LPAR3: variants seen among roughly 807,000 people sequenced by gnomAD.
LPAR3 encodes lysophosphatidic acid receptor 3, also known as LPA receptor 3.
In LPAR3, 7 loss-of-function variants were observed where a neutral mutation model predicts 17.8. The ratio of observed to expected loss-of-function variants is 0.39; its 90% CI spans 0.22 to 0.74. The LOEUF (loss-of-function observed/expected upper bound fraction) is 0.74. Among genes scored for constraint, LPAR3 ranks in the 30% least tolerant of loss-of-function variants. The pLI is 0.40. For missense variants in LPAR3, 391 were observed against 453.4 expected (o/e 0.86, Z 1.25); for synonymous variants, 179 against 179.9 (o/e 0.99, Z 0.04).
intron 2 of LPAR3, among the ~76,000 whole-genome samples, chr1:84,823,578 T>C (rs1047672554): frequency 3.9e-5 from 6 of 152,136 alleles, no homozygotes; most frequent in African/African-American, 9.7e-5. Context: ...TTTCCAGCTT[T>C]GAAAAACTGA....
intron 2 of LPAR3, among the ~76,000 whole-genome samples, chr1:84,833,028 C>T (rs976675447): frequency 1.3e-5 from 2 of 152,150 alleles, no homozygotes; most frequent in African/African-American, 4.8e-5. Context: ...AATATAAAGG[C>T]TAAGAAAGAT....
At chr1:84,829,638 A>G (rs191446048) in intron 2 of LPAR3, among the ~76,000 whole-genome samples, 157 of 152,272 alleles carry the variant, frequency 1.0e-3, no homozygotes, top group Non-Finnish European at 1.5e-3. Flanking sequence ...GCTCATGCTC[A>G]AGAAAAAAAA....
intron 2 of LPAR3, among the ~76,000 whole-genome samples, chr1:84,855,912 G>C (rs753593360): frequency 6.6e-6 from 1 of 152,234 alleles, no homozygotes; most frequent in African/African-American, 2.4e-5. Context: ...GAGGTGTCAA[G>C]ATGGCATTTG....
intron 2 of LPAR3, among the ~76,000 whole-genome samples, chr1:84,838,688 T>C (rs1659449163): frequency 6.6e-6 from 1 of 152,160 alleles, no homozygotes; most frequent in South Asian, 2.1e-4. Flanking sequence ...CATAGTGTGG[T>C]CAATCGTCTT....
Position 84,833,713 on chromosome 1 carries a change from C to T in LPAR3, c.737-19542G>A, listed in dbSNP as rs568453454. ...TTAACCTGTTAGCCCACCTGTACCT[C>T]ATTACCTTATCTGTCACACGGGGAT... On this transcript the variant is annotated intron_variant, in intron 2 of 2. Coordinates refer to ENST00000370611, the MANE Select transcript of LPAR3 (RefSeq NM_012152.3). Among the ~76,000 whole-genome samples the T allele has an allele frequency of 2.0e-5, 3 of 152,308 alleles. No individual in the cohort carries two copies. The East Asian group carries it at 5.8e-4, about 29-fold the overall frequency.
intron 1 of LPAR3, among the ~76,000 whole-genome samples, chr1:84,881,882 A>G (rs1323662831): frequency 1.3e-5 from 2 of 152,230 alleles, no homozygotes; most frequent in African/African-American, 4.8e-5. Context: ...CATCATACTC[A>G]ATGGTGAAAA....
intron 1 of LPAR3, among the ~76,000 whole-genome samples, chr1:84,866,957 G>C (rs1027103424): frequency 2.6e-5 from 4 of 152,116 alleles, no homozygotes; most frequent in Admixed American, 6.6e-5. Context: ...GAGGAGGATC[G>C]GGCTTCCACA....
rs1428820465 is a variant in LPAR3, at chr1:84,865,571, T to C, written c.550A>G (p.Ser184Gly). 1 of 1,614,108 alleles carries C rather than the reference T, an allele frequency of 6.2e-7. No individual in the cohort carries two copies. Among genetic ancestry groups the C allele is most frequent in the African/African-American group, 1.3e-5 (1 of 74,932 alleles). Reference sequence around the variant, plus strand: ...GTCCAGAAAACAAGGTAACTCCTGCTGTAAATGGGGGCCAGGGAAGAGCAG... The same window carrying C: ...GTCCAGAAAACAAGGTAACTCCTGCCGTAAATGGGGGCCAGGGAAGAGCAG... ...SACSSLAPIY[S>G]RSYLVFWTVS... Residue 184 changes from serine (S) to glycine (G), a missense_variant, in exon 2 of 3, where the codon AGC becomes GGC. Coordinates refer to ENST00000370611, the MANE Select transcript of LPAR3 (RefSeq NM_012152.3).
chr1:84,890,761 T>C (rs2102776977), intron 1 of LPAR3, among the ~76,000 whole-genome samples: 1 of 152,238 alleles, frequency 6.6e-6, no homozygotes, highest in South Asian at 2.1e-4. Context: ...TAATTCCCAT[T>C]TCAGTTATAG....
intron 2 of LPAR3, among the ~76,000 whole-genome samples, chr1:84,840,106 T>C (rs1659479525): frequency 6.6e-6 from 1 of 151,804 alleles, no homozygotes; most frequent in Non-Finnish European, 1.5e-5. Context: ...TATTTATTTG[T>C]AGAGATGGGG....
intron 1 of LPAR3, among the ~76,000 whole-genome samples, chr1:84,875,089 G>A (rs1276383161): frequency 2.6e-5 from 4 of 151,916 alleles, no homozygotes; most frequent in South Asian, 2.1e-4. Context: ...TAGTAGAGAC[G>A]GGGTTTCACC....
chr1:84,868,547 A>G (rs1383278294), intron 1 of LPAR3, among the ~76,000 whole-genome samples: 2 of 152,174 alleles, frequency 1.3e-5, no homozygotes, highest in Non-Finnish European at 2.9e-5. Flanking sequence ...ATTCAAGACA[A>G]ACAATCCGAG....
At chr1:84,850,051 T>C (rs372415149) in intron 2 of LPAR3, among the ~76,000 whole-genome samples, 5 of 152,236 alleles carry the variant, frequency 3.3e-5, no homozygotes. Flanking sequence ...ATTTTCTCTT[T>C]GAACTTGTAT....
intron 1 of LPAR3, among the ~76,000 whole-genome samples, chr1:84,872,133 C>T (rs1660167659): frequency 6.6e-6 from 1 of 152,130 alleles, no homozygotes; most frequent in Non-Finnish European, 1.5e-5. Context: ...TGTTATGGTG[C>T]CTGCAACAAT....
At chr1:84,868,223 T>C (rs1660090650) in intron 1 of LPAR3, among the ~76,000 whole-genome samples, 1 of 152,082 alleles carries the variant, frequency 6.6e-6, no homozygotes, top group Non-Finnish European at 1.5e-5. Flanking sequence ...GATTCTCCTG[T>C]CTCAGCCTCC....
At chr1:84,867,138 T>C (rs1191887704) in intron 1 of LPAR3, among the ~76,000 whole-genome samples, 1 of 152,160 alleles carries the variant, frequency 6.6e-6, no homozygotes, top group Non-Finnish European at 1.5e-5. Flanking sequence ...ATCTCTTGAA[T>C]CCCAAAAGCG....
chr1:84,828,262 T>C (rs1448918269), intron 2 of LPAR3, among the ~76,000 whole-genome samples: 1 of 152,186 alleles, frequency 6.6e-6, no homozygotes, highest in Non-Finnish European at 1.5e-5. Flanking sequence ...CATTTTGCTT[T>C]TTTATGCTTT....
intron 1 of LPAR3, among the ~76,000 whole-genome samples, chr1:84,883,726 T>G (rs1006696538): frequency 8.6e-5 from 13 of 152,010 alleles, no homozygotes; most frequent in Non-Finnish European, 1.3e-4. Context: ...TTTTTGTTTT[T>G]TTTTTTTTTA....
chr1:84,888,770 A>G (rs1280046161), intron 1 of LPAR3, among the ~76,000 whole-genome samples: 5 of 152,210 alleles, frequency 3.3e-5, no homozygotes, highest in Non-Finnish European at 5.9e-5. Flanking sequence ...CCACCTGCCA[A>G]GCCATCCCTT....
Sources: allele counts gnomAD v4.1 joint callset (sites outside exome capture counted in the v4.1 genomes callset), GRCh38; gene constraint gnomAD v4.1.1; transcripts MANE v1.5; gene names NCBI Gene and HGNC (gene_info 2026-07-23, HGNC 2026-07-21).